TMEM245: variants seen among roughly 807,000 people sequenced by gnomAD.
The protein encoded by TMEM245 is transmembrane protein 245, also known as protein CG-2.
Under a neutral mutation model 101.2 loss-of-function variants are expected in TMEM245, and 69 were observed. The observed-to-expected ratio is 0.68, with a 90% confidence interval of 0.56 to 0.83. The LOEUF is 0.83. TMEM245 is among the 40% of genes least tolerant of loss of function. The pLI is 0.00. For synonymous variants in TMEM245, 537 were observed against 449.8 expected (o/e 1.19, Z -2.45); for missense variants, 1,075 against 1,092.8 (o/e 0.98, Z 0.23).
rs1279816322 is a variant in TMEM245, at chr9:109,119,477, C to G, written c.437G>C (p.Arg146Pro). ...GGCGCCGAGCAGCAGGAGCAGGCGGCGGCGGCGCAGCGCCTGCTCGCCCAG... is the reference window on the plus strand; with the variant it reads ...GGCGCCGAGCAGCAGGAGCAGGCGGGGGCGGCGCAGCGCCTGCTCGCCCAG... ...EALGEQALRR[R>P]RLLLLLGAGG... The change falls in exon 1 of 18, where the codon CGC (arginine) becomes CCC (proline). Residue 146 changes from arginine to proline, a missense_variant. By Grantham distance (103) the Arg-to-Pro change is moderately radical. This residue lies in a region of TMEM245 where 808 missense variants were observed against 741.5 expected (regional missense o/e 1.09). Transcript: ENST00000374586. 1 of 1,486,636 alleles carries G rather than the reference C, an allele frequency of 6.7e-7. No individual in the cohort carries two copies. Among genetic ancestry groups the G allele is most frequent in the East Asian group, 2.7e-5 (1 of 37,186 alleles). The allele number at this position is 1,486,636 out of a possible 1,614,324, so 92.1% of individuals were successfully genotyped here. A position where few individuals can be genotyped will look rare whatever the true frequency, so the allele number is the denominator to read the frequency against.
At chr9:109,117,348 C>T (rs1035437031) in intron 1 of TMEM245, among the ~76,000 whole-genome samples, 1 of 151,812 alleles carries the variant, frequency 6.6e-6, no homozygotes. Flanking sequence ...GAACTCCTAA[C>T]CTCAGGTGAT....
At chr9:109,100,189 G>A (rs1057218887) in intron 3 of TMEM245, among the ~76,000 whole-genome samples, 9 of 152,168 alleles carry the variant, frequency 5.9e-5, no homozygotes, top group African/African-American at 1.9e-4. Context: ...AACTGAAGGA[G>A]CTGACAACTA....
At position 109,064,329 on chromosome 9, in the gene TMEM245, A is replaced by G. The variant is rs1013353938; in HGVS notation, c.1623+148T>C. ...TACCCCTATTCAATGTGATCTTTCA[A>G]AAGATTTCATTGTATGTTGCTTACC... On this transcript the variant is annotated intron_variant, in intron 10 of 17. Transcript: ENST00000374586. 7 of 688,516 alleles carry G rather than the reference A, an allele frequency of 1.0e-5. No homozygotes were observed. The African/African-American group carries it at 1.1e-4, about 11-fold the overall frequency. The allele number at this position is 688,516 out of a possible 1,614,324, so 42.7% of individuals were successfully genotyped here. A position where few individuals can be genotyped will look rare whatever the true frequency, so the allele number is the denominator to read the frequency against.
In TMEM245 at chr9:109,016,782, T is replaced by C. The variant is rs543445677; in HGVS notation, c.*3678A>G. 11 of 151,860 alleles carry C rather than the reference T, an allele frequency of 7.2e-5. No individual in the cohort carries two copies. The highest frequency in any genetic ancestry group is 2.4e-4 in the African/African-American group (10 of 41,472). The allele number at this position is 151,860 out of a possible 1,614,324, so 9.4% of individuals were successfully genotyped here. On this transcript the variant is annotated 3_prime_UTR_variant, in exon 18 of 18. Coordinates refer to ENST00000374586, the MANE Select transcript of TMEM245 (RefSeq NM_032012.4). ...AAAAGTACTTGTTTTTAGCTGGAAC[T>C]AGCATTTGGAAGTAATGCTAGCCAG...
At chr9:109,079,762 G>A (rs971884961) in intron 8 of TMEM245, among the ~76,000 whole-genome samples, 1 of 151,658 alleles carries the variant, frequency 6.6e-6, no homozygotes, top group Non-Finnish European at 1.5e-5. Context: ...GAATAGAAGT[G>A]TAGAAGAGAG....
intron 1 of TMEM245, 63 bp downstream of exon 1, chr9:109,119,272 G>A: frequency 4.8e-6 from 7 of 1,458,882 alleles, no homozygotes; most frequent in Non-Finnish European, 6.3e-6. Flanking sequence ...AACAGCTGCA[G>A]GATTGCACCC....
intron 17 of TMEM245, among the ~76,000 whole-genome samples, chr9:109,025,821 C>T (rs1353168938): frequency 1.3e-5 from 2 of 152,184 alleles, no homozygotes; most frequent in Non-Finnish European, 2.9e-5. Context: ...TCTGATTATT[C>T]AGCAGAGGCC....
intron 17 of TMEM245, among the ~76,000 whole-genome samples, chr9:109,024,114 T>C (rs1827723691): frequency 6.6e-6 from 1 of 152,212 alleles, no homozygotes; most frequent in Non-Finnish European, 1.5e-5. Context: ...ACTTGTTGAC[T>C]TCCAGCCTCC....
At chr9:109,114,541 C>A (rs1406295204) in intron 1 of TMEM245, among the ~76,000 whole-genome samples, 1 of 152,206 alleles carries the variant, frequency 6.6e-6, no homozygotes, top group East Asian at 1.9e-4. Context: ...ACTGGCAGAG[C>A]CAAGTTTAGA....
intron 1 of TMEM245, among the ~76,000 whole-genome samples, chr9:109,114,623 G>C (rs1488856523): frequency 6.6e-6 from 1 of 152,066 alleles, no homozygotes; most frequent in African/African-American, 2.4e-5. Flanking sequence ...GGGAACAATG[G>C]GATCAGAGAC....
chr9:109,089,132 G>A (rs144916794), intron 5 of TMEM245, among the ~76,000 whole-genome samples: 1,534 of 151,936 alleles, frequency 0.01, 11 homozygotes, highest in Non-Finnish European at 0.013. Context: ...GCCAGTGGAC[G>A]CACCTGTAGT....
chr9:109,093,425 T>C (rs753519899), intron 4 of TMEM245, 50 bp downstream of exon 4: 15 of 1,493,470 alleles, frequency 1.0e-5, no homozygotes, highest in Non-Finnish European at 1.3e-5. Context: ...ACTTTCTATG[T>C]ACATTTCATT....
chr9:109,104,827 G>C (rs1484646515), intron 3 of TMEM245, among the ~76,000 whole-genome samples: 1 of 152,098 alleles, frequency 6.6e-6, no homozygotes, highest in African/African-American at 2.4e-5. Flanking sequence ...GAATGAGGTT[G>C]GATCCTTACC....
chr9:109,032,365 CTTTTTTTTTTTTTTTTTTTTT>C (rs755399182), intron 17 of TMEM245, among the ~76,000 whole-genome samples: 1,175 of 41,004 alleles, frequency 0.029, 37 homozygotes, highest in Middle Eastern at 0.08. Context: ...ATTTCTTTTC[CTTTTTTTTTTTTTTTTTTTTT>C]TTTTTTTTTT....
At chr9:109,048,957 C>T (rs1828587334) in intron 14 of TMEM245, among the ~76,000 whole-genome samples, 1 of 152,228 alleles carries the variant, frequency 6.6e-6, no homozygotes, top group Non-Finnish European at 1.5e-5. Context: ...GCAGAGGGCA[C>T]AGCTTGGCTG....
Position 109,119,879 on chromosome 9 carries a change from C to G in TMEM245, c.35G>C (p.Ser12Thr). ...ADGGGPKDAP[S>T]LRSSPGPAPR... ...CGCCGGCCCGGGAGAGCTCCGCAGG[C>G]TTGGCGCGTCCTTAGGGCCGCCGCC... The change falls in exon 1 of 18, where the codon AGC (serine) becomes ACC (threonine). Residue 12 changes from serine to threonine, a missense_variant. Coordinates refer to ENST00000374586, the MANE Select transcript of TMEM245 (RefSeq NM_032012.4). The G allele has an allele frequency of 7.7e-7, 1 of 1,302,832 alleles. No individual in the cohort carries two copies. Among genetic ancestry groups the G allele is most frequent in the Non-Finnish European group, 9.7e-7 (1 of 1,034,134 alleles). 80.7% of individuals were successfully genotyped at this position (1,302,832 alleles called of 1,614,324 possible).
rs1828122049 is a variant in TMEM245, at chr9:109,036,337, G to C, written c.2268C>G (p.Tyr756Ter). The C allele has an allele frequency of 2.5e-6, 4 of 1,613,002 alleles. No individual in the cohort carries two copies. The highest frequency in any genetic ancestry group is 2.5e-6 in the Non-Finnish European group (3 of 1,179,818). Reference protein sequence around the residue: ...ILGAVPFLGTYWAAVPAVLDL... With the variant: ...ILGAVPFLGT ...CAAGAACTGCAGGTACTGCTGCCCA[G>C]TATGTCCCCAGGAATGGCACTGCTC... is the stretch of plus-strand genomic sequence containing the variant. The change falls in exon 16 of 18, where the codon TAC (tyrosine) becomes TAG (stop). Residue 756 changes from tyrosine (Y) to a stop codon, truncating the protein, a stop_gained. Transcript: ENST00000374586. LOFTEE classifies it high-confidence loss of function.
At chr9:109,033,541 A>G (rs763698889) in intron 16 of TMEM245, 40 bp from the exon 17 acceptor site, 5 of 1,514,346 alleles carry the variant, frequency 3.3e-6, no homozygotes, top group Non-Finnish European at 4.4e-6. Context: ...CAAAAACTGG[A>G]AAAAATCTGA....
intron 10 of TMEM245, 35 bp from the exon 11 acceptor site, chr9:109,060,487 T>C (rs1828979435): frequency 6.8e-7 from 1 of 1,462,780 alleles, no homozygotes; most frequent in Non-Finnish European, 9.5e-7. Flanking sequence ...TGGTACAATA[T>C]TTCAGGCAAC....
Sources: allele counts gnomAD v4.1 joint callset (sites outside exome capture counted in the v4.1 genomes callset), GRCh38; gene constraint gnomAD v4.1.1; regional missense constraint gnomAD v4.1.1; transcripts MANE v1.5; gene names NCBI Gene and HGNC (gene_info 2026-07-23, HGNC 2026-07-21).